The following TPRG1 variants were observed in gnomAD, a reference collection of about 807,000 sequenced individuals.
TPRG1 encodes tumor protein p63-regulated gene 1 protein.
Under a neutral mutation model 29.3 loss-of-function variants are expected in TPRG1, and 29 were observed. That is an observed-to-expected ratio of 0.99 (90% CI 0.74 to 1.35). TPRG1 has a LOEUF of 1.35. Ranked by LOEUF, TPRG1 falls within the 40% of genes most tolerant of loss-of-function variation. TPRG1 has a pLI of 0.00. For missense variants in TPRG1, 327 were observed against 335.0 expected (o/e 0.98, Z 0.19); for synonymous variants, 130 against 116.8 (o/e 1.11, Z -0.73).
chr3:189,181,066 C>G (rs1332251219), intron 1 of TPRG1, among the ~76,000 whole-genome samples: 2 of 152,162 alleles, frequency 1.3e-5, no homozygotes, highest in Admixed American at 1.3e-4. Flanking sequence ...CTATGTTGGC[C>G]CCTTTCAGCC....
intron 4 of TPRG1, among the ~76,000 whole-genome samples, chr3:189,063,183 A>T (rs1716226875): frequency 6.6e-6 from 1 of 152,126 alleles, no homozygotes; most frequent in Non-Finnish European, 1.5e-5. Context: ...CATAATAATA[A>T]AAGGATCAAC....
chr3:189,228,406 G>T (rs1738122994), intron 3 of TPRG1, among the ~76,000 whole-genome samples: 1 of 151,988 alleles, frequency 6.6e-6, no homozygotes, highest in Non-Finnish European at 1.5e-5. Flanking sequence ...AAAAATTGGT[G>T]TAAAAAGAAT....
At chr3:189,231,265 CAT>C (rs149177739) in intron 3 of TPRG1, among the ~76,000 whole-genome samples, 3,109 of 143,978 alleles carry the variant, frequency 0.022, 127 homozygotes, top group African/African-American at 0.072. Context: ...ACCTATAAAA[CAT>C]ATATATATAT....
chr3:189,080,448 G>A (rs921424059), intron 4 of TPRG1, among the ~76,000 whole-genome samples: 2 of 152,154 alleles, frequency 1.3e-5, no homozygotes, highest in African/African-American at 4.8e-5. Context: ...TAAAATACTG[G>A]CTTGTCTTTC....
At chr3:189,018,008 T>C (rs1236149628) in intron 3 of TPRG1, among the ~76,000 whole-genome samples, 2 of 151,386 alleles carry the variant, frequency 1.3e-5, no homozygotes, top group South Asian at 2.1e-4. Context: ...TCATGTGTTT[T>C]TTGGCTGCAT....
intron 5 of TPRG1, among the ~76,000 whole-genome samples, chr3:189,160,266 C>T (rs1157256752): frequency 1.3e-5 from 2 of 152,112 alleles, no homozygotes; most frequent in Non-Finnish European, 2.9e-5. Context: ...ATTTCTTCTT[C>T]ACAGTGGGAA....
rs539431028 is a variant in TPRG1, at chr3:189,158,769, T to C, written c.-10+7897T>C. On this transcript the variant is annotated intron_variant, in intron 5 of 6. Coordinates refer to the TPRG1 transcript ENST00000412373. ...TGTCTCCATCTTGGGTTCTGTCTCC[T>C]TCCTTCACTTCCTAGCTCTGCCGTT... Among the ~76,000 whole-genome samples, 8 of 152,258 alleles carry C rather than the reference T, an allele frequency of 5.3e-5. No individual in the cohort carries two copies. In the South Asian group the frequency reaches 1.7e-3, roughly 32 times the overall value.
chr3:189,089,123 A>C (rs971561464), intron 4 of TPRG1, among the ~76,000 whole-genome samples: 6 of 152,180 alleles, frequency 3.9e-5, no homozygotes, highest in African/African-American at 1.4e-4. Flanking sequence ...TACAGGACTA[A>C]CAGTCTATAG....
chr3:189,156,124 G>T (rs1726636128), intron 5 of TPRG1, among the ~76,000 whole-genome samples: 1 of 152,054 alleles, frequency 6.6e-6, no homozygotes, highest in South Asian at 2.1e-4. Flanking sequence ...TTTATCAATT[G>T]TAACTCAACA....
chr3:189,229,861 A>G (rs1198656519), intron 3 of TPRG1, among the ~76,000 whole-genome samples: 1 of 152,178 alleles, frequency 6.6e-6, no homozygotes, highest in Non-Finnish European at 1.5e-5. Flanking sequence ...CCTCTACCAT[A>G]CAAGCTGTAA....
In TPRG1 at chr3:189,137,674, G is replaced by A. The variant is rs190349874; in HGVS notation, c.-291+4977G>A. ...GGTGCCAAGTGGGAATGCAGTGAGCGGGAGAGAGAGGCAGGAGGCCTATTT... is the reference window on the plus strand; with the variant it reads ...GGTGCCAAGTGGGAATGCAGTGAGCAGGAGAGAGAGGCAGGAGGCCTATTT... On this transcript the variant is annotated intron_variant, in intron 3 of 6. Coordinates refer to the TPRG1 transcript ENST00000412373. Among the ~76,000 whole-genome samples the A allele has an allele frequency of 6.0e-4, 91 of 152,184 alleles. 1 individual carries two copies. The East Asian group carries it at 0.013, about 22-fold the overall frequency.
intron 1 of TPRG1, among the ~76,000 whole-genome samples, chr3:189,103,783 G>C (rs1719487363): frequency 6.6e-6 from 1 of 152,152 alleles, no homozygotes; most frequent in East Asian, 1.9e-4. Flanking sequence ...TCAGGATCCA[G>C]CCTCTGTCTT....
intron 4 of TPRG1, among the ~76,000 whole-genome samples, chr3:189,256,479 C>A (rs918224227): frequency 1.3e-5 from 2 of 152,064 alleles, no homozygotes; most frequent in Non-Finnish European, 2.9e-5. Flanking sequence ...AATGTATATA[C>A]TGTTGATTTG....
At chr3:189,061,211 A>C (rs1002626645) in intron 4 of TPRG1, among the ~76,000 whole-genome samples, 4 of 152,230 alleles carry the variant, frequency 2.6e-5, no homozygotes, top group African/African-American at 9.6e-5. Context: ...CTCCTTGTTC[A>C]ATAAACGGTG....
intron 1 of TPRG1, among the ~76,000 whole-genome samples, chr3:189,124,540 T>TTGTGTATGTG (rs75399094): frequency 1.8e-3 from 274 of 150,068 alleles, no homozygotes; most frequent in African/African-American, 5.8e-3. Flanking sequence ...ACAAAGGACT[T>TTGTGTATGTG]TGTGTGTGTG....
chr3:189,163,328 T>G (rs948621611), intron 5 of TPRG1, among the ~76,000 whole-genome samples: 1 of 152,134 alleles, frequency 6.6e-6, no homozygotes, highest in Non-Finnish European at 1.5e-5. Flanking sequence ...CTCTGACTAT[T>G]TCTCTCTGAG....
At chr3:189,034,542 A>G (rs1714136967) in intron 4 of TPRG1, among the ~76,000 whole-genome samples, 1 of 152,212 alleles carries the variant, frequency 6.6e-6, no homozygotes, top group South Asian at 2.1e-4. Context: ...TAAAGCAAGA[A>G]TGACAGAACT....
At chr3:189,106,368 G>C (rs774031114) in intron 1 of TPRG1, among the ~76,000 whole-genome samples, 1 of 151,928 alleles carries the variant, frequency 6.6e-6, no homozygotes, top group Non-Finnish European at 1.5e-5. Flanking sequence ...TCAAATCTCT[G>C]AAAAGCTTTT....
At chr3:189,242,823 C>T (rs898455621) in intron 4 of TPRG1, among the ~76,000 whole-genome samples, 1 of 151,698 alleles carries the variant, frequency 6.6e-6, no homozygotes, top group African/African-American at 2.4e-5. Context: ...ATTTTTTCTC[C>T]TCAGGAGGCC....
Sources: allele counts gnomAD v4.1 joint callset (sites outside exome capture counted in the v4.1 genomes callset), GRCh38; gene constraint gnomAD v4.1.1; transcripts MANE v1.5; gene names NCBI Gene and HGNC (gene_info 2026-07-23, HGNC 2026-07-21).